The following EML1 variants were observed in gnomAD, a reference collection of about 807,000 sequenced individuals.
EML1 encodes echinoderm microtubule-associated protein-like 1.
A neutral mutation model predicts 110.4 loss-of-function variants in EML1; 27 were observed. That is an observed-to-expected ratio of 0.24 (90% CI 0.18 to 0.34). EML1 has a LOEUF of 0.34. Among genes scored for constraint, EML1 ranks in the 10% least tolerant of loss-of-function variants. The pLI is 1.00. For missense variants in EML1, 741 were observed against 1,030.9 expected (o/e 0.72, Z 3.85); for synonymous variants, 344 against 385.8 (o/e 0.89, Z 1.27).
chr14:99,872,768 T>C (rs2059226794), intron 3 of EML1, among the ~76,000 whole-genome samples: 1 of 152,192 alleles, frequency 6.6e-6, no homozygotes, highest in Non-Finnish European at 1.5e-5. Context: ...TTCTGAATAT[T>C]AGGATTAAAA....
intron 1 of EML1, among the ~76,000 whole-genome samples, chr14:99,832,185 C>T (rs1401846860): frequency 4.6e-5 from 7 of 152,078 alleles, no homozygotes; most frequent in African/African-American, 9.7e-5. Context: ...GATATTCATC[C>T]GTGCTGTTGC....
At chr14:99,804,039 C>T (rs186632347) in intron 1 of EML1, among the ~76,000 whole-genome samples, 137 of 152,306 alleles carry the variant, frequency 9.0e-4, no homozygotes, top group Non-Finnish European at 1.6e-3. Context: ...TCTGTTAGCT[C>T]GGCTTCACCG....
At position 99,938,067 on chromosome 14, in the gene EML1, G is replaced by A. The variant is rs560376820; in HGVS notation, c.2191+155G>A. On this transcript the variant is annotated intron_variant, in intron 20 of 21. Transcript: ENST00000262233. ...GACACACCTCCTGCCGCACCCTGGG[G>A]TAGGGCCTGGGCTTGCCTGGCCGTG... Among the ~76,000 whole-genome samples the A allele has an allele frequency of 1.5e-3, 234 of 152,242 alleles. 1 individual carries two copies. The highest frequency in any genetic ancestry group is 5.5e-3 in the African/African-American group (230 of 41,552).
chr14:99,853,705 T>C (rs895711177), intron 2 of EML1, among the ~76,000 whole-genome samples: 7 of 152,214 alleles, frequency 4.6e-5, no homozygotes, highest in Non-Finnish European at 2.9e-5. Context: ...ATTCTTGCTG[T>C]GTCACCCAAG....
chr14:99,856,936 T>C (rs557195845), intron 2 of EML1, among the ~76,000 whole-genome samples: 2 of 152,340 alleles, frequency 1.3e-5, no homozygotes, highest in South Asian at 2.1e-4. Context: ...ATTTTATCTG[T>C]AAATATGTCA....
At chr14:99,864,824 A>G (rs1846189502) in intron 2 of EML1, among the ~76,000 whole-genome samples, 1 of 146,810 alleles carries the variant, frequency 6.8e-6, no homozygotes, top group Admixed American at 6.8e-5. Flanking sequence ...AAAAAAAAAA[A>G]GAAAAGATGA....
At chr14:99,929,317 T>C (rs973688489) in intron 17 of EML1, among the ~76,000 whole-genome samples, 1 of 152,148 alleles carries the variant, frequency 6.6e-6, no homozygotes, top group African/African-American at 2.4e-5. Flanking sequence ...GAGGCCCAAC[T>C]GAAAGAAGTG....
intron 2 of EML1, among the ~76,000 whole-genome samples, chr14:99,859,286 T>C (rs1359083991): frequency 6.6e-6 from 1 of 152,150 alleles, no homozygotes; most frequent in African/African-American, 2.4e-5. Context: ...GTTTAAATAG[T>C]ATGAAATATA....
intron 4 of EML1, among the ~76,000 whole-genome samples, chr14:99,887,002 C>T (rs908769485): frequency 5.3e-5 from 8 of 152,228 alleles, no homozygotes; most frequent in South Asian, 2.1e-4. Context: ...GCTGCCTCTG[C>T]GGTGTTGACC....
intron 1 of EML1, among the ~76,000 whole-genome samples, chr14:99,786,649 G>A (rs780520913): frequency 2.6e-5 from 4 of 152,212 alleles, no homozygotes; most frequent in Admixed American, 6.5e-5. Context: ...TCAAGTGCAC[G>A]GCACGTCTGA....
At chr14:99,775,611 C>T (rs183375867) in intron 1 of EML1, among the ~76,000 whole-genome samples, 86 of 152,336 alleles carry the variant, frequency 5.6e-4, no homozygotes, top group African/African-American at 1.9e-3. Flanking sequence ...GTTTACTCTT[C>T]ATGACGGGCA....
chr14:99,929,947 G>A (rs1297572545), intron 17 of EML1, among the ~76,000 whole-genome samples: 2 of 152,262 alleles, frequency 1.3e-5, no homozygotes, highest in East Asian at 1.9e-4. Context: ...AGCTAGTAGC[G>A]GTTCTTGAGC....
At chr14:99,886,537 G>T (rs998775198) in intron 4 of EML1, among the ~76,000 whole-genome samples, 1 of 152,210 alleles carries the variant, frequency 6.6e-6, no homozygotes, top group Non-Finnish European at 1.5e-5. Flanking sequence ...TTAATAAATT[G>T]TAGGGAAATC....
rs539527802 is a variant in EML1 at position 99,819,746 on chromosome 14, G to A, written c.67+26203G>A. On this transcript the variant is annotated intron_variant, in intron 1 of 21. Transcript: ENST00000262233. Reference sequence around the variant, plus strand: ...AGCAGACATGGGAGGGGGAAAAGGCGGGTCTGCAACAGGAGCCCAGCCTCT... The same window carrying A: ...AGCAGACATGGGAGGGGGAAAAGGCAGGTCTGCAACAGGAGCCCAGCCTCT... Among the ~76,000 whole-genome samples the A allele has an allele frequency of 3.3e-3, 495 of 152,276 alleles. 6 individuals carry two copies. The highest frequency in any genetic ancestry group is 0.011 in the African/African-American group (469 of 41,566).
At chr14:99,878,437 A>G in intron 3 of EML1, 48 bp from the exon 4 acceptor site, 2 of 1,555,218 alleles carry the variant, frequency 1.3e-6, no homozygotes, top group Non-Finnish European at 1.7e-6. Context: ...GCAATAAAAT[A>G]AAGTCACGAT....
At chr14:99,767,952 G>A (rs1016760684), upstream of EML1, among the ~76,000 whole-genome samples, 1 of 152,188 alleles carries the variant, frequency 6.6e-6, no homozygotes, top group Non-Finnish European at 1.5e-5. Context: ...ACTATACTCA[G>A]AGCTGGCCTC....
intron 11 of EML1, among the ~76,000 whole-genome samples, chr14:99,909,980 G>A (rs567924474): frequency 3.3e-5 from 5 of 152,134 alleles, no homozygotes; most frequent in African/African-American, 7.2e-5. Context: ...ACCCTCCTCC[G>A]CTTGCTGTCT....
At position 99,940,352 on chromosome 14, in the gene EML1, C is replaced by T. The variant is rs1011346108; in HGVS notation, c.*240C>T. ...ACATTGAATACCAACAAGGTTGCAA[C>T]GTTTACATTATAGCCACATCAACAG... On this transcript the variant is annotated 3_prime_UTR_variant, in exon 22 of 22. Coordinates refer to ENST00000262233, the MANE Select transcript of EML1 (RefSeq NM_004434.3). 6 of 355,394 alleles carry T rather than the reference C, an allele frequency of 1.7e-5. No homozygotes were observed. Among genetic ancestry groups the T allele is most frequent in the African/African-American group, 2.1e-5 (1 of 47,528 alleles). 22.0% of individuals were successfully genotyped at this position (355,394 alleles called of 1,614,324 possible). A position where few individuals can be genotyped will look rare whatever the true frequency, so the allele number is the denominator to read the frequency against.
intron 3 of EML1, among the ~76,000 whole-genome samples, chr14:99,875,404 C>T (rs763406937): frequency 2.6e-4 from 39 of 152,282 alleles, no homozygotes; most frequent in Non-Finnish European, 3.5e-4. Flanking sequence ...ATGCCTTAAA[C>T]GTTAACTGTG....
Sources: gnomAD v4.1 joint callset for allele counts (sites outside exome capture counted in the v4.1 genomes callset) on GRCh38, gnomAD v4.1.1 for gene constraint, MANE v1.5 for transcripts, NCBI Gene and HGNC (gene_info 2026-07-23, HGNC 2026-07-21) for gene names.